Variants in DNAJC3 observed in about 807,000 individuals in gnomAD.
DNAJC3 encodes DnaJ heat shock protein family (Hsp40) member C3.
In DNAJC3, 38 loss-of-function variants were observed where a neutral mutation model predicts 68.6. The ratio of observed to expected loss-of-function variants is 0.55; its 90% CI spans 0.43 to 0.73. The LOEUF (loss-of-function observed/expected upper bound fraction) is 0.73. DNAJC3 is among the 30% of genes least tolerant of loss of function. DNAJC3 has a pLI of 0.00. For missense variants in DNAJC3, 526 were observed against 591.9 expected (o/e 0.89, Z 1.16); for synonymous variants, 203 against 204.0 (o/e 1.00, Z 0.04).
rs138435112 is a variant in DNAJC3, at chr13:95,787,040, C to T, written c.1242C>T (p.Tyr414=). The T allele has an allele frequency of 1.0e-3, 1,659 of 1,610,794 alleles. 4 individuals carry two copies. The highest frequency in any genetic ancestry group is 1.2e-3 in the Non-Finnish European group (1,377 of 1,179,010). ...NAKKQEIIKA[Y]RKLALQWHPD... is the part of the protein sequence containing the mutation. ...AAAAGCAAGAAATTATTAAAGCATA[C>T]CGAAAATTAGCACTGCAGTGGCACC... Residue 414 remains tyrosine (Y), a synonymous_variant, in exon 11 of 12, where the codon TAC becomes TAT. Coordinates refer to ENST00000602402, the MANE Select transcript of DNAJC3 (RefSeq NM_006260.5).
intron 9 of DNAJC3, among the ~76,000 whole-genome samples, chr13:95,778,954 T>C (rs1416510669): frequency 2.6e-5 from 4 of 152,194 alleles, no homozygotes; most frequent in East Asian, 3.8e-4. Context: ...AAGTCAGATA[T>C]GAATCAGCCA....
intron 6 of DNAJC3, among the ~76,000 whole-genome samples, 153 bp downstream of exon 6, chr13:95,760,374 C>T (rs1479932318): frequency 6.6e-6 from 1 of 151,968 alleles, no homozygotes. Flanking sequence ...TTGTGTTATT[C>T]CCAAGTTACT....
intron 1 of DNAJC3, among the ~76,000 whole-genome samples, chr13:95,684,195 T>C (rs1005798461): frequency 6.6e-6 from 1 of 152,128 alleles, no homozygotes; most frequent in African/African-American, 2.4e-5. Context: ...GATAGTGGTA[T>C]AGACAGTGAA....
intron 1 of DNAJC3, among the ~76,000 whole-genome samples, chr13:95,692,308 C>G (rs1308052592): frequency 6.6e-6 from 1 of 152,112 alleles, no homozygotes; most frequent in Non-Finnish European, 1.5e-5. Context: ...AGAGTTTAGT[C>G]TAAGTCTGGA....
At chr13:95,767,197 C>T (rs1234383251) in intron 9 of DNAJC3, among the ~76,000 whole-genome samples, 1 of 152,090 alleles carries the variant, frequency 6.6e-6, no homozygotes, top group Non-Finnish European at 1.5e-5. Context: ...CTCCCTCGGC[C>T]CCTGGGAACC....
intron 9 of DNAJC3, among the ~76,000 whole-genome samples, chr13:95,764,307 A>G (rs1882907395): frequency 6.6e-6 from 1 of 151,328 alleles, no homozygotes; most frequent in South Asian, 2.1e-4. Flanking sequence ...GCTTTTATCT[A>G]TGCACATATA....
At chr13:95,721,544 C>A (rs1203967669) in intron 2 of DNAJC3, among the ~76,000 whole-genome samples, 2 of 152,108 alleles carry the variant, frequency 1.3e-5, no homozygotes, top group Non-Finnish European at 2.9e-5. Flanking sequence ...CACAGGTGTT[C>A]CAGTTTCTCC....
chr13:95,726,862 A>G lies in DNAJC3; in HGVS notation c.393+1610A>G, dbSNP rs544486223. Among the ~76,000 whole-genome samples the G allele has an allele frequency of 4.1e-4, 62 of 152,372 alleles. 1 individual carries two copies. The highest frequency in any genetic ancestry group is 1.9e-4 in the Non-Finnish European group (13 of 68,040). On this transcript the variant is annotated intron_variant, in intron 4 of 11. Transcript: ENST00000602402. ...CTATGAAAAGAAAACTAAAATTTCT[A>G]ACATTATCATAACACTTGTCACAAT...
rs1244627970 is a variant in DNAJC3 at position 95,792,181 on chromosome 13, A to G, written c.*1151A>G. The G allele has an allele frequency of 6.6e-6, 1 of 152,224 alleles. No homozygotes were observed. Among genetic ancestry groups the G allele is most frequent in the Non-Finnish European group, 1.5e-5 (1 of 68,038 alleles). 9.4% of individuals were successfully genotyped at this position (152,224 alleles called of 1,614,324 possible). ...CTGGCTATATTTCCACTGTTGTTTC[A>G]TTTAATAAGATGGCATCTCCTCTTG... On this transcript the variant is annotated 3_prime_UTR_variant, in exon 12 of 12. Coordinates refer to ENST00000602402, the MANE Select transcript of DNAJC3 (RefSeq NM_006260.5).
rs562520769 is a variant in DNAJC3 at position 95,723,041 on chromosome 13, G to A, written c.194-201G>A. On this transcript the variant is annotated intron_variant, in intron 2 of 11. Transcript: ENST00000602402. ...AGTCTGTAGGTCGGATGTGGCTTGG[G>A]CTGTACTTTGCTGACCCCTATTCTA... Among the ~76,000 whole-genome samples the A allele has an allele frequency of 3.3e-5, 5 of 151,990 alleles. No individual in the cohort carries two copies. In the South Asian group the frequency reaches 1.0e-3, roughly 32 times the overall value.
At chr13:95,735,694 T>G (rs1368385967) in intron 4 of DNAJC3, among the ~76,000 whole-genome samples, 3 of 150,326 alleles carry the variant, frequency 2.0e-5, no homozygotes, top group African/African-American at 7.3e-5. Flanking sequence ...TAAATTTGTT[T>G]GAGTTCATTG....
intron 9 of DNAJC3, among the ~76,000 whole-genome samples, chr13:95,766,698 A>AT (rs777691887): frequency 0.13 from 18,119 of 143,032 alleles, 1,347 homozygotes; most frequent in African/African-American, 0.22. Context: ...CAGTTATTCT[A>AT]TTTTTTTTTT....
intron 4 of DNAJC3, chr13:95,742,974 C>T (rs762952825): frequency 7.1e-6 from 3 of 422,370 alleles, no homozygotes; most frequent in East Asian, 7.1e-5. Flanking sequence ...AGGTTTAGGT[C>T]GAAGTTCATT....
intron 2 of DNAJC3, among the ~76,000 whole-genome samples, chr13:95,722,775 A>G (rs939339285): frequency 8.4e-6 from 1 of 118,982 alleles, no homozygotes; most frequent in Non-Finnish European, 1.6e-5. Flanking sequence ...GGCCATGATC[A>G]TGCCACTGCG....
At chr13:95,787,501 T>G (rs1883637301) in intron 11 of DNAJC3, among the ~76,000 whole-genome samples, 1 of 152,166 alleles carries the variant, frequency 6.6e-6, no homozygotes, top group South Asian at 2.1e-4. Flanking sequence ...ATGATGAATT[T>G]TCTCCACCAA....
In DNAJC3 at chr13:95,704,851, G is replaced by GTTTTTTTTTTTTTTTTTT. The variant is rs1193979630; in HGVS notation, c.83-4375_83-4358dup. Among the ~76,000 whole-genome samples, 63 of 97,830 alleles carry GTTTTTTTTTTTTTTTTTT rather than the reference G, an allele frequency of 6.4e-4. 14 individuals are homozygous for GTTTTTTTTTTTTTTTTTT. Among genetic ancestry groups the GTTTTTTTTTTTTTTTTTT allele is most frequent in the African/African-American group, 2.5e-3 (42 of 16,742 alleles). 64.2% of individuals were successfully genotyped at this position (97,830 alleles called of 152,430 possible). A position where few individuals can be genotyped will look rare whatever the true frequency, so the allele number is the denominator to read the frequency against. On this transcript the variant is annotated intron_variant, in intron 1 of 11. Coordinates refer to ENST00000602402, the MANE Select transcript of DNAJC3 (RefSeq NM_006260.5). ...AGAAAGGACTAATCTGTGTGTGTGTGTTTTTTTTTTTTTTTTTTGAGACAG... is the reference window on the plus strand; with the variant it reads ...AGAAAGGACTAATCTGTGTGTGTGTGTTTTTTTTTTTTTTTTTTTTTTTTTTTTTTTTTTTTGAGACAG...
chr13:95,731,207 G>C (rs1232082195), intron 4 of DNAJC3, among the ~76,000 whole-genome samples: 1 of 151,970 alleles, frequency 6.6e-6, no homozygotes, highest in Non-Finnish European at 1.5e-5. Flanking sequence ...TTGGATTTTG[G>C]GTTTTCTAAA....
chr13:95,737,370 T>C lies in DNAJC3; in HGVS notation c.393+12118T>C, dbSNP rs1165126389. 1.7e-3 allele frequency among the ~76,000 whole-genome samples: 260 copies of C among 152,262 alleles called. 3 individuals are homozygous for C. Among genetic ancestry groups the C allele is most frequent in the Non-Finnish European group, 3.1e-4 (21 of 68,022 alleles). On this transcript the variant is annotated intron_variant, in intron 4 of 11. Transcript: ENST00000602402. ...TAGGGAGAATTCCCTCTTTTTCTAT[T>C]GATTGGAATAGTTTCAGAAGGAATG...
intron 7 of DNAJC3, among the ~76,000 whole-genome samples, chr13:95,763,161 C>G (rs1400059165): frequency 1.3e-5 from 2 of 152,144 alleles, no homozygotes; most frequent in African/African-American, 2.4e-5. Flanking sequence ...AATCAGGTAC[C>G]TTTTGTGTGA....
Sources: allele counts gnomAD v4.1 joint callset (sites outside exome capture counted in the v4.1 genomes callset), GRCh38; gene constraint gnomAD v4.1.1; transcripts MANE v1.5; gene names NCBI Gene and HGNC (gene_info 2026-07-23, HGNC 2026-07-21).